The following CFAP77 variants were observed in gnomAD, a reference collection of about 807,000 sequenced individuals.
CFAP77 encodes cilia- and flagella-associated protein 77.
Under a neutral mutation model 31.1 loss-of-function variants are expected in CFAP77, and 25 were observed. The ratio of observed to expected loss-of-function variants is 0.80; its 90% confidence interval spans 0.59 to 1.12. CFAP77 has a LOEUF of 1.12. Among genes scored for constraint, CFAP77 ranks in the 50% most tolerant of loss-of-function variants. The pLI is 0.00. For missense variants in CFAP77, 377 were observed against 397.3 expected (o/e 0.95, Z 0.44); for synonymous variants, 151 against 159.9 (o/e 0.94, Z 0.42).
chr9:132,530,104 C>T (rs189590293), intron 3 of CFAP77, among the ~76,000 whole-genome samples: 3 of 145,826 alleles, frequency 2.1e-5, no homozygotes, highest in South Asian at 2.2e-4. Flanking sequence ...AATATCTCTT[C>T]ATGTCTTTTG....
rs1266710270 is a variant in CFAP77 at position 132,565,999 on chromosome 9, A to G, written c.733-6389A>G. Among the ~76,000 whole-genome samples the G allele has an allele frequency of 2.0e-5, 3 of 152,212 alleles. No homozygotes were observed. In the East Asian group the frequency reaches 5.8e-4, roughly 29 times the overall value. ...CCTGCCAAAGCCATTACAATTTCTT[A>G]GCTCCAGGCAGAGACAGACCGCAGA... On this transcript the variant is annotated intron_variant, in intron 5 of 5. Transcript: ENST00000393216. This position sits in a 1 kb window ranked among gnomAD's most constrained non-coding sequence, Gnocchi z 4.1.
intron 1 of CFAP77, among the ~76,000 whole-genome samples, chr9:132,437,014 A>G (rs939519732): frequency 1.3e-5 from 2 of 152,194 alleles, no homozygotes; most frequent in African/African-American, 4.8e-5. Context: ...AAGTTACAGT[A>G]GAGCTTGCCT....
chr9:132,545,359 G>A lies in CFAP77; in HGVS notation c.732+2312G>A, dbSNP rs761276716. 1.3e-5 allele frequency among the ~76,000 whole-genome samples: 2 copies of A among 152,136 alleles called. No homozygotes were observed. Among genetic ancestry groups the A allele is most frequent in the Non-Finnish European group, 2.9e-5 (2 of 67,972 alleles). On this transcript the variant is annotated intron_variant, in intron 5 of 5. Coordinates refer to ENST00000393216, the MANE Select transcript of CFAP77 (RefSeq NM_001282957.2). The surrounding 1 kb of genome is among the most constrained non-coding windows in gnomAD (Gnocchi z 4.6). ...AGGGGGAGCACCTTCCTTGCCCAGA[G>A]AGTGGCGGGGACAGGAACCCAGGTG...
At chr9:132,487,421 T>C (rs1714864830) in intron 1 of CFAP77, among the ~76,000 whole-genome samples, 2 of 152,144 alleles carry the variant, frequency 1.3e-5, no homozygotes, top group African/African-American at 2.4e-5. Flanking sequence ...AGAAGAGACT[T>C]TTTCATAGAT....
rs1851427722 is a variant in CFAP77 at position 132,480,572 on chromosome 9, G to GA, written c.196-18122dup. Among the ~76,000 whole-genome samples the GA allele has an allele frequency of 1.3e-5, 2 of 152,320 alleles. No homozygotes were observed. Among genetic ancestry groups the GA allele is most frequent in the South Asian group, 4.1e-4 (2 of 4,822 alleles). ...AGGTCTGTCCCGTGCTCACCCAGCT[G>GA]ACCTGCCGCAGAGTGAGACGTGGCA... On this transcript the variant is annotated intron_variant, in intron 1 of 5. Transcript: ENST00000393216. This position sits in a 1 kb window ranked among gnomAD's most constrained non-coding sequence, Gnocchi z 5.8.
chr9:132,426,526 G>A (rs572500485), intron 1 of CFAP77, among the ~76,000 whole-genome samples: 3 of 112,442 alleles, frequency 2.7e-5, no homozygotes, highest in Non-Finnish European at 5.0e-5. Context: ...GGAATAAATT[G>A]TTCCTCTTCT....
chr9:132,471,176 T>G (rs1851247024), intron 1 of CFAP77, among the ~76,000 whole-genome samples: 1 of 152,052 alleles, frequency 6.6e-6, no homozygotes, highest in Non-Finnish European at 1.5e-5. Context: ...GTTAGAGCAA[T>G]GTAATCAGTT....
At chr9:132,547,384 C>T (rs1471522316) in intron 5 of CFAP77, among the ~76,000 whole-genome samples, 1 of 152,214 alleles carries the variant, frequency 6.6e-6, no homozygotes. Context: ...GTGTGCACCA[C>T]GCTCAGCAGA....
intron 3 of CFAP77, among the ~76,000 whole-genome samples, chr9:132,512,531 G>A (rs1202707000): frequency 6.6e-6 from 1 of 152,096 alleles, no homozygotes; most frequent in Non-Finnish European, 1.5e-5. Flanking sequence ...AGGTGTCGTT[G>A]GGTTTTGAGA....
intron 3 of CFAP77, among the ~76,000 whole-genome samples, chr9:132,526,076 TA>T (rs941532255): frequency 8.6e-5 from 13 of 151,770 alleles, no homozygotes; most frequent in African/African-American, 2.7e-4. Context: ...CATCTTTAAA[TA>T]AAAAAAAATT....
At chr9:132,515,798 T>G (rs1589899910) in intron 3 of CFAP77, among the ~76,000 whole-genome samples, 1 of 152,174 alleles carries the variant, frequency 6.6e-6, no homozygotes, top group East Asian at 1.9e-4. Flanking sequence ...GTGAGGAACT[T>G]TGAGAAGGCC....
rs570750813 is a variant in CFAP77, at chr9:132,471,373, AC to A, written c.196-27319del. On this transcript the variant is annotated intron_variant, in intron 1 of 5. Transcript: ENST00000393216. The stretch of plus-strand genomic sequence containing the variant: ...CAGAGCCTCAGAGTCATCTTGGGGC[AC>A]CCTGCCTGCCCACAACTCTCTGGTG... 6.2e-3 allele frequency among the ~76,000 whole-genome samples: 946 copies of A among 152,126 alleles called. 16 individuals carry two copies. Among genetic ancestry groups the A allele is most frequent in the African/African-American group, 0.022 (898 of 41,484 alleles).
chr9:132,420,985 G>A (rs1850205407), intron 1 of CFAP77, among the ~76,000 whole-genome samples: 1 of 148,156 alleles, frequency 6.7e-6, no homozygotes, highest in South Asian at 2.2e-4. Context: ...CTCATAGGCT[G>A]ATGGCTTGGC....
At chr9:132,449,696 A>G (rs1850790361) in intron 1 of CFAP77, among the ~76,000 whole-genome samples, 1 of 152,214 alleles carries the variant, frequency 6.6e-6, no homozygotes, top group South Asian at 2.1e-4. Context: ...GCAAATACCC[A>G]GGAACGGGAT....
At position 132,499,189 on chromosome 9, in the gene CFAP77, G is replaced by A. The variant is rs1285419932; in HGVS notation, c.296-183G>A. On this transcript the variant is annotated intron_variant, in intron 2 of 5. Transcript: ENST00000393216. This position sits in a 1 kb window ranked among gnomAD's most constrained non-coding sequence, Gnocchi z 5.4. ...GCTTGGGTACCCTCAGGATCTCTGG[G>A]AGCCCTGATCCCGCCGTTTTGGGCC... Among the ~76,000 whole-genome samples the A allele has an allele frequency of 1.3e-5, 2 of 152,196 alleles. No homozygotes were observed. Among genetic ancestry groups the A allele is most frequent in the African/African-American group, 4.8e-5 (2 of 41,462 alleles).
At chr9:132,449,668 T>C (rs1850789965) in intron 1 of CFAP77, among the ~76,000 whole-genome samples, 1 of 152,206 alleles carries the variant, frequency 6.6e-6, no homozygotes, top group South Asian at 2.1e-4. Flanking sequence ...TGTGGGCATA[T>C]ATTTTCATTT....
At chr9:132,471,536 A>G (rs1045836715) in intron 1 of CFAP77, among the ~76,000 whole-genome samples, 1 of 151,252 alleles carries the variant, frequency 6.6e-6, no homozygotes, top group African/African-American at 2.4e-5. Flanking sequence ...TCAGAGTTTC[A>G]CGTTTCTTTC....
chr9:132,550,262 C>G (rs961715201), intron 5 of CFAP77, among the ~76,000 whole-genome samples: 1 of 152,208 alleles, frequency 6.6e-6, no homozygotes, highest in Non-Finnish European at 1.5e-5. Flanking sequence ...AAAAATATTT[C>G]GGTTTTTTGT....
chr9:132,438,541 A>ATATATTTTTTTTTTTTT lies in CFAP77; in HGVS notation c.195+28076_195+28077insATATTTTTTTTTTTTTT. On this transcript the variant is annotated intron_variant, in intron 1 of 5. Coordinates refer to ENST00000393216, the MANE Select transcript of CFAP77 (RefSeq NM_001282957.2). The stretch of plus-strand genomic sequence containing the variant: ...ATGGTATATATATATATATATATAT[A>ATATATTTTTTTTTTTTT]TTTTTTTTTTTTTTTTTAGACAGGG... Among the ~76,000 whole-genome samples, 16 of 108,126 alleles carry ATATATTTTTTTTTTTTT rather than the reference A, an allele frequency of 1.5e-4. No individual in the cohort carries two copies. The East Asian group carries it at 3.7e-3, about 25-fold the overall frequency. The allele number at this position is 108,126 out of a possible 152,430, so 70.9% of individuals were successfully genotyped here.
Sources: allele counts gnomAD v4.1 joint callset (sites outside exome capture counted in the v4.1 genomes callset), GRCh38; gene constraint gnomAD v4.1.1; non-coding constraint Gnocchi (gnomAD v3.1); transcripts MANE v1.5; gene names NCBI Gene and HGNC (gene_info 2026-07-23, HGNC 2026-07-21).